The following PAPOLA variants were observed in gnomAD, a reference collection of about 807,000 sequenced individuals.
The protein encoded by PAPOLA is polynucleotide adenylyltransferase alpha.
Under a neutral mutation model 100.6 loss-of-function variants are expected in PAPOLA, and 15 were observed. That is an observed-to-expected ratio of 0.15 (90% confidence interval 0.10 to 0.23). The LOEUF (loss-of-function observed/expected upper bound fraction) is 0.23. PAPOLA is among the 10% of genes least tolerant of loss of function. The pLI is 1.00. For synonymous variants in PAPOLA, 293 were observed against 300.0 expected, an observed-to-expected ratio of 0.98 and a Z score of 0.24; for missense variants, 533 against 884.2, an observed-to-expected ratio of 0.60 and a Z score of 5.04.
intron 9 of PAPOLA, chr14:96,533,755 G>C: frequency 2.6e-6 from 1 of 383,158 alleles, no homozygotes; most frequent in Non-Finnish European, 3.6e-6. Flanking sequence ...AGGTTTCACT[G>C]TGTTAGCCAG....
At chr14:96,555,313 A>G (rs1460135286) in intron 17 of PAPOLA, among the ~76,000 whole-genome samples, 1 of 150,768 alleles carries the variant, frequency 6.6e-6, no homozygotes, top group South Asian at 2.1e-4. Context: ...AGCTCAAGCA[A>G]TCCTTCCACC....
At chr14:96,551,533 G>A (rs1900848979) in intron 16 of PAPOLA, among the ~76,000 whole-genome samples, 1 of 152,082 alleles carries the variant, frequency 6.6e-6, no homozygotes. Context: ...AGAATATTTT[G>A]TTATTTGGGG....
At chr14:96,522,785 A>G (rs1285158666) in intron 3 of PAPOLA, among the ~76,000 whole-genome samples, 2 of 152,290 alleles carry the variant, frequency 1.3e-5, no homozygotes, top group African/African-American at 4.8e-5. Context: ...TGGTAGAGAA[A>G]ATGTATTTGT....
intron 1 of PAPOLA, among the ~76,000 whole-genome samples, chr14:96,503,811 A>G (rs913082343): frequency 1.3e-5 from 2 of 152,092 alleles, no homozygotes; most frequent in African/African-American, 2.4e-5. Flanking sequence ...TTACAATTAT[A>G]TATGTGTGTG....
intron 6 of PAPOLA, among the ~76,000 whole-genome samples, chr14:96,529,863 C>T (rs999963157): frequency 6.6e-6 from 1 of 152,176 alleles, no homozygotes; most frequent in East Asian, 1.9e-4. Flanking sequence ...CTCACCTTTC[C>T]TTTAGAAAAG....
intron 3 of PAPOLA, among the ~76,000 whole-genome samples, chr14:96,523,406 A>G (rs559772687): frequency 3.0e-4 from 45 of 152,364 alleles, no homozygotes; most frequent in African/African-American, 9.9e-4. Context: ...AACAAAAGTG[A>G]TAACAGTGAC....
chr14:96,557,712 A>G (rs926060864), intron 19 of PAPOLA, among the ~76,000 whole-genome samples: 3 of 149,910 alleles, frequency 2.0e-5, no homozygotes. Flanking sequence ...TTATTATTTT[A>G]TTATTTAGCT....
At chr14:96,524,875 T>C (rs1157220670) in intron 3 of PAPOLA, among the ~76,000 whole-genome samples, 1 of 152,218 alleles carries the variant, frequency 6.6e-6, no homozygotes. Context: ...TAATATGTTG[T>C]GGGATATTTG....
chr14:96,524,246 C>T (rs889473026), intron 3 of PAPOLA, among the ~76,000 whole-genome samples: 6 of 152,050 alleles, frequency 3.9e-5, no homozygotes, highest in East Asian at 1.9e-4. Flanking sequence ...GTCATTCTTA[C>T]GAGCAGGGCC....
intron 1 of PAPOLA, among the ~76,000 whole-genome samples, chr14:96,519,848 TTAAG>T (rs1197161108): frequency 1.3e-5 from 2 of 152,262 alleles, no homozygotes; most frequent in Admixed American, 6.5e-5. Context: ...ACTTAGATGT[TTAAG>T]TAGTGACAGT....
At chr14:96,532,232 T>A in intron 7 of PAPOLA, 99 bp from the exon 8 acceptor site, 1 of 1,428,484 alleles carries the variant, frequency 7.0e-7, no homozygotes, top group Non-Finnish European at 9.1e-7. Context: ...TTGGAAGCAT[T>A]ACCATTAAAC....
chr14:96,564,869 C>A, intron 21 of PAPOLA, 86 bp from the exon 22 acceptor site: 1 of 740,198 alleles, frequency 1.4e-6, no homozygotes, highest in Non-Finnish European at 2.4e-6. Context: ...TAGAAGGTTT[C>A]TTAGGAAGTA....
chr14:96,517,121 G>C (rs932138481), intron 1 of PAPOLA, among the ~76,000 whole-genome samples: 11 of 152,148 alleles, frequency 7.2e-5, no homozygotes, highest in African/African-American at 2.7e-4. Context: ...TATAATTTCA[G>C]CTTATACTTG....
chr14:96,523,269 T>C (rs1448211041), intron 3 of PAPOLA, among the ~76,000 whole-genome samples: 1 of 152,222 alleles, frequency 6.6e-6, no homozygotes, highest in East Asian at 1.9e-4. Context: ...ATAATAAGTA[T>C]AAACATACTA....
intron 15 of PAPOLA, among the ~76,000 whole-genome samples, chr14:96,547,035 C>G (rs1900444606): frequency 6.6e-6 from 1 of 152,088 alleles, no homozygotes; most frequent in Non-Finnish European, 1.5e-5. Context: ...CGTGGTTTTT[C>G]TCAGTAATAC....
chr14:96,547,626 G>A (rs1360706951), intron 15 of PAPOLA, 171 bp from the exon 16 acceptor site: 1 of 484,954 alleles, frequency 2.1e-6, no homozygotes, highest in Non-Finnish European at 3.7e-6. Context: ...GTGGTAAAAG[G>A]AGTTTGCTCA....
At chr14:96,506,524 AACTG>A (rs1342517226) in intron 1 of PAPOLA, among the ~76,000 whole-genome samples, 1 of 152,234 alleles carries the variant, frequency 6.6e-6, no homozygotes, top group African/African-American at 2.4e-5. Flanking sequence ...CAAGGTAAAC[AACTG>A]ACTATTCCTG....
chr14:96,559,581 C>CTCTCTCTCTCTCTCTCTCTATA (rs370979875), intron 19 of PAPOLA, among the ~76,000 whole-genome samples: 1 of 120,182 alleles, frequency 8.3e-6, no homozygotes, highest in African/African-American at 3.4e-5. Flanking sequence ...CTCTCTCTCT[C>CTCTCTCTCTCTCTCTCTCTATA]TATATATATA....
intron 1 of PAPOLA, among the ~76,000 whole-genome samples, chr14:96,518,161 A>G (rs1365351749): frequency 6.6e-6 from 1 of 152,236 alleles, no homozygotes; most frequent in Non-Finnish European, 1.5e-5. Context: ...TTATTATAAA[A>G]TCTGAATTAA....
Sources: allele counts gnomAD v4.1 joint callset (sites outside exome capture counted in the v4.1 genomes callset), GRCh38; gene constraint gnomAD v4.1.1; transcripts MANE v1.5; gene names NCBI Gene and HGNC (gene_info 2026-07-23, HGNC 2026-07-21).